PCDHGB7: variants seen among roughly 807,000 people sequenced by gnomAD.
The protein encoded by PCDHGB7 is protocadherin gamma subfamily B, 7.
PCDHGB7 carries 37 observed loss-of-function variants against 61.4 expected under a neutral mutation model. The observed-to-expected ratio is 0.60, with a 90% confidence interval of 0.46 to 0.79. PCDHGB7 has a LOEUF of 0.79. Among genes scored for constraint, PCDHGB7 ranks in the 30% least tolerant of loss-of-function variants. The pLI, the probability that PCDHGB7 is intolerant of heterozygous loss-of-function variation, is 0.00. For synonymous variants in PCDHGB7, 464 were observed against 503.5 expected (o/e 0.92, Z 1.05); for missense variants, 1,166 against 1,202.5 (o/e 0.97, Z 0.45).
intron 1 of PCDHGB7, among the ~76,000 whole-genome samples, chr5:141,465,017 C>T (rs1278815002): frequency 6.6e-6 from 1 of 152,132 alleles, no homozygotes; most frequent in Non-Finnish European, 1.5e-5. Context: ...GCTAAGATTA[C>T]AGCCATGAAC....
intron 1 of PCDHGB7, among the ~76,000 whole-genome samples, chr5:141,464,901 G>A (rs1562002452): frequency 6.6e-6 from 1 of 151,916 alleles, no homozygotes; most frequent in Non-Finnish European, 1.5e-5. Context: ...ACCATGTCCA[G>A]CTAATTTTTT....
At chr5:141,503,384 C>G (rs898225633) in intron 2 of PCDHGB7, among the ~76,000 whole-genome samples, 1 of 151,906 alleles carries the variant, frequency 6.6e-6, no homozygotes, top group Non-Finnish European at 1.5e-5. Flanking sequence ...ATCATGAGGT[C>G]AGGAGTTCGA....
At position 141,433,358 on chromosome 5, in the gene PCDHGB7, C is replaced by CTATCTAT. The variant is rs2097585632; in HGVS notation, c.2415+13084_2415+13085insTATCTAT. ...ACAGGTGCAAGCCACCTACTGTCTG[C>CTATCTAT]CTATCTATCTATCTATCTATCTATC... On this transcript the variant is annotated intron_variant, in intron 1 of 3. Coordinates refer to ENST00000398594, the MANE Select transcript of PCDHGB7 (RefSeq NM_018927.4). 11 of 503,932 alleles carry CTATCTAT rather than the reference C, an allele frequency of 2.2e-5. No individual in the cohort carries two copies. The African/African-American group carries it at 2.3e-4, about 10-fold the overall frequency. The allele number at this position is 503,932 out of a possible 1,614,324, so 31.2% of individuals were successfully genotyped here.
At chr5:141,422,907 G>A in intron 1 of PCDHGB7, 1 of 1,614,196 alleles carries the variant, frequency 6.2e-7, no homozygotes, top group Non-Finnish European at 8.5e-7. Context: ...ACGACAATGC[G>A]CCCGAGATCC....
At position 141,495,662 on chromosome 5, in the gene PCDHGB7, C is replaced by T. The variant is rs545912968; in HGVS notation, c.2474+797C>T. The stretch of plus-strand genomic sequence containing the variant: ...TTTGTCTACTTGCATTGATCTGTGC[C>T]GCCCACTGTGCCTGCCATGGCATAA... On this transcript the variant is annotated intron_variant, in intron 2 of 3. Coordinates refer to ENST00000398594, the MANE Select transcript of PCDHGB7 (RefSeq NM_018927.4). Among the ~76,000 whole-genome samples, 8 of 152,256 alleles carry T rather than the reference C, an allele frequency of 5.3e-5. No individual in the cohort carries two copies. In the South Asian group the frequency reaches 6.2e-4, roughly 12 times the overall value.
chr5:141,446,558 T>G (rs1413501675), intron 1 of PCDHGB7, among the ~76,000 whole-genome samples: 3 of 151,788 alleles, frequency 2.0e-5, no homozygotes, highest in Non-Finnish European at 1.5e-5. Flanking sequence ...CTCACTGCAA[T>G]CTCTGCCTCC....
chr5:141,469,830 A>G (rs184478661), intron 1 of PCDHGB7, among the ~76,000 whole-genome samples: 1 of 152,124 alleles, frequency 6.6e-6, no homozygotes, highest in African/African-American at 2.4e-5. Flanking sequence ...GGTCACATAA[A>G]ACTTATTCTT....
At chr5:141,473,902 G>C (rs1593464039) in intron 1 of PCDHGB7, among the ~76,000 whole-genome samples, 1 of 152,240 alleles carries the variant, frequency 6.6e-6, no homozygotes, top group South Asian at 2.1e-4. Context: ...GGTTCATGAA[G>C]AGGTCTTAAG....
At chr5:141,435,995 A>C (rs1033174115) in intron 1 of PCDHGB7, among the ~76,000 whole-genome samples, 2 of 152,144 alleles carry the variant, frequency 1.3e-5, no homozygotes, top group African/African-American at 4.8e-5. Context: ...TGATTTTTTG[A>C]AAGAAAGTAT....
At chr5:141,456,058 C>T (rs1488082918) in intron 1 of PCDHGB7, among the ~76,000 whole-genome samples, 3 of 151,880 alleles carry the variant, frequency 2.0e-5, no homozygotes, top group Admixed American at 6.6e-5. Context: ...CCACCACGTC[C>T]GGCTAATTTT....
chr5:141,477,475 C>A lies in PCDHGB7; in HGVS notation c.2416-17332C>A. ...TTCAAGTGTCCGACATCAATGACAA[C>A]CCTCCACAATCTTCTCAATCTTCCT... On this transcript the variant is annotated intron_variant, in intron 1 of 3. Coordinates refer to ENST00000398594, the MANE Select transcript of PCDHGB7 (RefSeq NM_018927.4). The surrounding 1 kb of genome is among the most constrained non-coding windows in gnomAD (Gnocchi z 4.9). The A allele has an allele frequency of 3.1e-6, 5 of 1,614,124 alleles. No homozygotes were observed. The highest frequency in any genetic ancestry group is 4.2e-6 in the Non-Finnish European group (5 of 1,180,030).
chr5:141,472,853 G>A (rs1283601489), intron 1 of PCDHGB7, among the ~76,000 whole-genome samples: 1 of 151,738 alleles, frequency 6.6e-6, no homozygotes, highest in Non-Finnish European at 1.5e-5. Flanking sequence ...GGGCATGGTG[G>A]CACATGCCTG....
chr5:141,499,268 G>C (rs564234341), intron 2 of PCDHGB7, among the ~76,000 whole-genome samples: 1 of 152,224 alleles, frequency 6.6e-6, no homozygotes, highest in South Asian at 2.1e-4. Flanking sequence ...TTGGTCCCTA[G>C]ACTGTTCTCT....
chr5:141,474,557 G>A (rs1261720500), intron 1 of PCDHGB7, among the ~76,000 whole-genome samples: 1 of 152,184 alleles, frequency 6.6e-6, no homozygotes, highest in African/African-American at 2.4e-5. Context: ...AAAACTGGGG[G>A]TTTTCAGAGA....
At chr5:141,496,768 A>G (rs997951321) in intron 2 of PCDHGB7, among the ~76,000 whole-genome samples, 10 of 152,260 alleles carry the variant, frequency 6.6e-5, no homozygotes, top group African/African-American at 2.4e-4. Context: ...TCGAGCATCT[A>G]CTATGAGCAG....
chr5:141,476,224 G>T lies in PCDHGB7; in HGVS notation c.2416-18583G>T. 6.2e-7 allele frequency: 1 copy of T among 1,614,062 alleles called. No individual in the cohort carries two copies. The highest frequency in any genetic ancestry group is 1.1e-5 in the South Asian group (1 of 91,072). ...AGGCTTCCACGGTCATTCACTATGA[G>T]ATCCCGGAGGAAAGAGAGAAGGGTT... On this transcript the variant is annotated intron_variant, in intron 1 of 3. Transcript: ENST00000398594. This position sits in a 1 kb window ranked among gnomAD's most constrained non-coding sequence, Gnocchi z 7.6.
chr5:141,470,836 C>T lies in PCDHGB7; in HGVS notation c.2416-23971C>T, dbSNP rs577375498. On this transcript the variant is annotated intron_variant, in intron 1 of 3. Transcript: ENST00000398594. ...CTGAGTAGTTAGGACGACAAACACA[C>T]GCCACCATGCTCAGATAAGTTTTTT... 2.6e-5 allele frequency among the ~76,000 whole-genome samples: 4 copies of T among 152,176 alleles called. No homozygotes were observed. The East Asian group carries it at 5.8e-4, about 22-fold the overall frequency.
Position 141,485,606 on chromosome 5 carries a change from G to T in PCDHGB7, c.2416-9201G>T, listed in dbSNP as rs2099616630. On this transcript the variant is annotated intron_variant, in intron 1 of 3. Transcript: ENST00000398594. The surrounding 1 kb of genome is among the most constrained non-coding windows in gnomAD (Gnocchi z 5.7). ...GCAGCTGGACTTGGAAATTGGGGAG[G>T]CAGCTCCTCCAGGACAGCGTTTCCC... is the stretch of plus-strand genomic sequence containing the variant. 1.2e-6 allele frequency: 2 copies of T among 1,612,362 alleles called. No homozygotes were observed. The highest frequency in any genetic ancestry group is 4.5e-5 in the East Asian group (2 of 44,840).
In PCDHGB7 at chr5:141,419,792, G is replaced by A. The variant is rs1379811891; in HGVS notation, c.1933G>A (p.Ala645Thr). ...CTCGGTCCGCCAGCGCCTGCTAGTC[G>A]CTGTAAGAGATGGAGGACAGCCACC... Reference protein sequence around the residue: ...KDSVRQRLLVAVRDGGQPPLS... With the variant: ...KDSVRQRLLVTVRDGGQPPLS... The change falls in exon 1 of 4, where the codon GCT becomes ACT. Residue 645 changes from alanine to threonine, a missense_variant. Ala to Thr is a moderately conservative substitution (Grantham distance 58). Transcript: ENST00000398594. 1 of 1,614,042 alleles carries A rather than the reference G, an allele frequency of 6.2e-7. No individual in the cohort carries two copies. Among genetic ancestry groups the A allele is most frequent in the African/African-American group, 1.3e-5 (1 of 75,068 alleles).
Sources: allele counts gnomAD v4.1 joint callset (sites outside exome capture counted in the v4.1 genomes callset), GRCh38; gene constraint gnomAD v4.1.1; non-coding constraint Gnocchi (gnomAD v3.1); transcripts MANE v1.5; gene names NCBI Gene and HGNC (gene_info 2026-07-23, HGNC 2026-07-21).